The following CD244 variants were observed in gnomAD, a reference collection of about 807,000 sequenced individuals.
CD244 encodes natural killer cell receptor 2B4.
In CD244, 20 loss-of-function variants were observed where a neutral mutation model predicts 45.5. That is an observed-to-expected ratio of 0.44 (90% CI 0.31 to 0.64). The LOEUF is 0.64. CD244 is among the 30% of genes least tolerant of loss of function. The pLI is 0.08. For missense variants in CD244, 407 were observed against 426.9 expected (o/e 0.95, Z 0.41); for synonymous variants, 185 against 160.5 (o/e 1.15, Z -1.15).
chr1:160,837,024 G>C (rs1669357930), intron 5 of CD244, among the ~76,000 whole-genome samples: 1 of 152,204 alleles, frequency 6.6e-6, no homozygotes, highest in African/African-American at 2.4e-5. Context: ...AATACTGCAG[G>C]AGTTTGTTGC....
chr1:160,848,855 AAT>A (rs1237509188), intron 1 of CD244, among the ~76,000 whole-genome samples: 1 of 151,852 alleles, frequency 6.6e-6, no homozygotes, highest in Non-Finnish European at 1.5e-5. Context: ...TATCCTTTGT[AAT>A]ATCTCTTATA....
intron 1 of CD244, among the ~76,000 whole-genome samples, chr1:160,859,007 T>C (rs983692788): frequency 4.0e-5 from 6 of 151,416 alleles, no homozygotes; most frequent in Non-Finnish European, 8.8e-5. Context: ...AGACAGAAAA[T>C]GAAAAACATA....
chr1:160,847,375 TCTC>T (rs1669773299), intron 1 of CD244, among the ~76,000 whole-genome samples: 1 of 151,874 alleles, frequency 6.6e-6, no homozygotes, highest in Non-Finnish European at 1.5e-5. Flanking sequence ...ATAAAACAAT[TCTC>T]CTAACAATTG....
At chr1:160,833,473 T>A (rs889899842) in intron 7 of CD244, among the ~76,000 whole-genome samples, 2 of 152,188 alleles carry the variant, frequency 1.3e-5, no homozygotes, top group African/African-American at 4.8e-5. Context: ...TGACCATGTG[T>A]ACCAGGATAC....
chr1:160,840,687 T>C (rs907363430), intron 3 of CD244, among the ~76,000 whole-genome samples: 2 of 152,318 alleles, frequency 1.3e-5, no homozygotes, highest in South Asian at 4.1e-4. Context: ...GTACATTAAG[T>C]CCCTGTTTAT....
intron 7 of CD244, chr1:160,832,867 T>C (rs1196904671): frequency 6.1e-6 from 2 of 328,328 alleles, no homozygotes; most frequent in Non-Finnish European, 1.2e-5. Context: ...TGTGTGTGTG[T>C]GTGTATATAT....
At chr1:160,852,722 T>C (rs994782599) in intron 1 of CD244, among the ~76,000 whole-genome samples, 15 of 151,802 alleles carry the variant, frequency 9.9e-5, no homozygotes, top group Non-Finnish European at 2.9e-5. Flanking sequence ...CCAGAAGAAT[T>C]TGTACACAAG....
At chr1:160,836,295 C>G in intron 5 of CD244, 41 bp from the exon 6 acceptor site, 1 of 1,516,084 alleles carries the variant, frequency 6.6e-7, no homozygotes, top group South Asian at 1.1e-5. Context: ...AGCGACAGTT[C>G]GGTCTGTCCA....
In CD244 at chr1:160,836,261, A is replaced by C. The variant is rs1225408293; in HGVS notation, c.835-7T>G. ...GAAAAGTCTGCTCCTGCTCCTGCAC[A>C]AGAAATGGAGATGGGGTAACATGAG... On this transcript the variant is annotated splice_region_variant and splice_polypyrimidine_tract_variant and intron_variant, in intron 5 of 8. Coordinates refer to ENST00000368034, the MANE Select transcript of CD244 (RefSeq NM_016382.4). The C allele has an allele frequency of 1.1e-5, 17 of 1,611,736 alleles. 1 individual carries two copies. The highest frequency in any genetic ancestry group is 1.4e-5 in the Non-Finnish European group (17 of 1,178,064).
Position 160,833,946 on chromosome 1 carries a change from A to G in CD244, c.960+105T>C, listed in dbSNP as rs539118887. ...CAGAAGCTACTCAGATACACACAATAAAGAACAACTTGCCAGGATGTGCAC... is the reference window on the plus strand; with the variant it reads ...CAGAAGCTACTCAGATACACACAATGAAGAACAACTTGCCAGGATGTGCAC... On this transcript the variant is annotated intron_variant, in intron 7 of 8. Transcript: ENST00000368034. 2.3e-5 allele frequency: 18 copies of G among 797,662 alleles called. No homozygotes were observed. The African/African-American group carries it at 2.4e-4, about 11-fold the overall frequency. The allele number at this position is 797,662 out of a possible 1,614,324, so 49.4% of individuals were successfully genotyped here.
At chr1:160,832,868 GTGTATATA>G (rs1282258341) in intron 7 of CD244, 1 of 316,144 alleles carries the variant, frequency 3.2e-6, no homozygotes, top group Admixed American at 4.2e-5. Flanking sequence ...GTGTGTGTGT[GTGTATATA>G]TATATATATA....
chr1:160,841,613 T>C lies in CD244; in HGVS notation c.350A>G (p.Gln117Arg). The change falls in exon 2 of 9, where the codon CAG becomes CGG. Residue 117 changes from glutamine to arginine, a missense_variant. Physicochemically the swap from Gln to Arg is conservative, Grantham distance 43 (BLOSUM62 1). Transcript: ENST00000368034. ...LEVTSISGKVQTATFQVFVFD... is the reference protein window; with the variant it reads ...LEVTSISGKVRTATFQVFVFD... ...TACAAAAACCTGGAACGTGGCTGTC[T>C]GAACTTTTCCAGATATACTGGTGAC... 2 of 1,614,210 alleles carry C rather than the reference T, an allele frequency of 1.2e-6. No homozygotes were observed. Among genetic ancestry groups the C allele is most frequent in the Middle Eastern group, 1.6e-4 (1 of 6,062 alleles).
chr1:160,841,842 G>C lies in CD244; in HGVS notation c.121C>G (p.Pro41Ala). ...TCAACCTTCGTCTGTATGCTGTTTG[G>C]TTGTAACTGAAGAGGCACTCCCGAG... The part of the protein sequence containing the change: ...SISGVPLQLQ[P>A]NSIQTKVDSI... Residue 41 changes from proline (P) to alanine (A), a missense_variant, in exon 2 of 9, where the codon CCA becomes GCA. By Grantham distance (27) the Pro-to-Ala change is conservative. Coordinates refer to ENST00000368034, the MANE Select transcript of CD244 (RefSeq NM_016382.4). 6.2e-7 allele frequency: 1 copy of C among 1,614,136 alleles called. No individual in the cohort carries two copies. The highest frequency in any genetic ancestry group is 8.5e-7 in the Non-Finnish European group (1 of 1,180,014).
Position 160,836,246 on chromosome 1 carries a change from C to T in CD244, c.843G>A (p.Glu281=), listed in dbSNP as rs149007081. 4 of 1,613,242 alleles carry T rather than the reference C, an allele frequency of 2.5e-6. No individual in the cohort carries two copies. The African/African-American group carries it at 4.0e-5, about 16-fold the overall frequency. Residue 281 remains glutamate (E), a synonymous_variant, in exon 6 of 9, where the codon GAG becomes GAA. Transcript: ENST00000368034. The stretch of plus-strand genomic sequence containing the variant: ...TGCTCCCCCCTCCAGGAAAAGTCTG[C>T]TCCTGCTCCTGCACAAGAAATGGAG... ...DLKTRRNHEQ[E]QTFPGGGSTI...
intron 1 of CD244, among the ~76,000 whole-genome samples, chr1:160,856,925 C>T (rs1175179220): frequency 1.1e-4 from 17 of 152,138 alleles, no homozygotes; most frequent in Admixed American, 1.0e-3. Context: ...ATGAATCCTA[C>T]AGGCAACTAA....
rs542666576 is a variant in CD244, at chr1:160,845,450, AGAGAG to A, written c.62-3554_62-3550del. Among the ~76,000 whole-genome samples the A allele has an allele frequency of 2.5e-4, 38 of 152,332 alleles. No homozygotes were observed. The East Asian group carries it at 7.1e-3, about 29-fold the overall frequency. On this transcript the variant is annotated intron_variant, in intron 1 of 8. Transcript: ENST00000368034. ...AGTGTAATTGGAAAGCAAGGAGACG[AGAGAG>A]GAAAGAGGAACTAAGCAAAAGAGAT...
chr1:160,859,948 G>A (rs1557847136), intron 1 of CD244, among the ~76,000 whole-genome samples: 2 of 152,070 alleles, frequency 1.3e-5, no homozygotes, highest in East Asian at 3.9e-4. Flanking sequence ...GCTCACACCT[G>A]GTATCCCAGC....
chr1:160,834,016 A>G (rs1216228448), intron 7 of CD244, 35 bp downstream of exon 7: 1 of 1,503,446 alleles, frequency 6.7e-7, no homozygotes, highest in African/African-American at 1.4e-5. Context: ...ATCTACATCA[A>G]CAACACCCCA....
intron 1 of CD244, among the ~76,000 whole-genome samples, chr1:160,861,665 G>C (rs1174444206): frequency 6.6e-6 from 1 of 151,796 alleles, no homozygotes; most frequent in Non-Finnish European, 1.5e-5. Flanking sequence ...GGTGAAACCT[G>C]GTCTCTACTA....
Sources: allele counts gnomAD v4.1 joint callset (sites outside exome capture counted in the v4.1 genomes callset), GRCh38; gene constraint gnomAD v4.1.1; transcripts MANE v1.5; gene names NCBI Gene and HGNC (gene_info 2026-07-23, HGNC 2026-07-21).